The following KDM4F variants were observed in gnomAD, a reference collection of about 807,000 sequenced individuals.
KDM4F encodes probable lysine-specific demethylase 4F.
For synonymous variants in KDM4F, 223 were observed against 184.4 expected, an observed-to-expected ratio of 1.21 and a Z score of -1.70; for missense variants, 586 against 496.4, an observed-to-expected ratio of 1.18 and a Z score of -1.71.
At chr11:95,049,743 CAG>C in the KDM4F span, 1 of 1,605,070 alleles carries the variant, frequency 6.2e-7, no homozygotes, top group African/African-American at 1.3e-5. Flanking sequence ...TAAAAAATAT[CAG>C]ACTCCGCCAC....
At chr11:95,050,019 T>C in exon 1 of KDM4F, 1 of 1,613,972 alleles carries the variant, frequency 6.2e-7, no homozygotes, top group Non-Finnish European at 8.5e-7. Context: ...CAGCATCAAC[T>C]ACCTGCACTT....
exon 1 of KDM4F, chr11:95,049,544 C>T (rs879955983): frequency 5.2e-5 from 83 of 1,595,354 alleles, no homozygotes; most frequent in Non-Finnish European, 6.2e-5. Context: ...AAGGCGCACA[C>T]CGAGCTGGCC....
At position 95,050,844 on chromosome 11, in the gene KDM4F, C is replaced by G. The variant is rs1858504583; in HGVS notation, c.1423C>G (p.Pro475Ala). ...AGGGAGCAGAGCTCCAGGCCGCAAACCTCAGCTCCAGTTCGCCGATGAAGC... is the reference window on the plus strand; with the variant it reads ...AGGGAGCAGAGCTCCAGGCCGCAAAGCTCAGCTCCAGTTCGCCGATGAAGC... The change falls in exon 1 of 1, where the codon CCT (proline) becomes GCT (alanine). Residue 475 changes from proline to alanine, a missense_variant. Physicochemically the swap from Pro to Ala is conservative, Grantham distance 27. Transcript: ENST00000545950. The G allele has an allele frequency of 5.5e-6, 3 of 547,678 alleles. No individual in the cohort carries two copies. The South Asian group carries it at 8.0e-5, about 15-fold the overall frequency. The allele number at this position is 547,678 out of a possible 1,614,324, so 33.9% of individuals were successfully genotyped here. A position where few individuals can be genotyped will look rare whatever the true frequency, so the allele number is the denominator to read the frequency against.
chr11:95,050,028 T>C (rs1306130937), exon 1 of KDM4F: 6 of 1,613,652 alleles, frequency 3.7e-6, no homozygotes, highest in Non-Finnish European at 5.1e-6. Flanking sequence ...CTACCTGCAC[T>C]TTGGGGAGCC....
chr11:95,050,657 G>A (rs1288545574), exon 1 of KDM4F: 6 of 617,994 alleles, frequency 9.7e-6, no homozygotes, highest in Non-Finnish European at 1.4e-5. Flanking sequence ...CCCTGGAGAC[G>A]TCAGCCTGGG....
chr11:95,050,934 T>C, exon 1 of KDM4F: 1 of 486,198 alleles, frequency 2.1e-6, no homozygotes, highest in Non-Finnish European at 3.6e-6. Flanking sequence ...TTCTGGCTGC[T>C]GTTGTGCCCC....
At chr11:95,049,794 A>C in exon 1 of KDM4F, 1 of 1,596,692 alleles carries the variant, frequency 6.3e-7, no homozygotes, top group Admixed American at 1.7e-5. Context: ...ATACTGGAAG[A>C]GCCACCCCGG....
chr11:95,049,981 C>T (rs906712772), exon 1 of KDM4F: 1 of 1,614,250 alleles, frequency 6.2e-7, no homozygotes, highest in Non-Finnish European at 8.5e-7. Context: ...ACCACGTTTG[C>T]TTGGCACACG....
chr11:95,050,112 A>G (rs1590989992), exon 1 of KDM4F: 1 of 1,575,152 alleles, frequency 6.3e-7, no homozygotes, highest in East Asian at 2.2e-5. Context: ...CTTCCCAGGC[A>G]ATTCCCGGGG....
chr11:95,050,207 T>TCCC, exon 1 of KDM4F: 3 of 1,558,682 alleles, frequency 1.9e-6, no homozygotes, highest in Non-Finnish European at 2.7e-6. Flanking sequence ...ATCGCATGAC[T>TCCC]CAGGAGGCTG....
chr11:95,050,743 G>C (rs1253085875), exon 1 of KDM4F: 3 of 647,696 alleles, frequency 4.6e-6, no homozygotes, highest in African/African-American at 1.8e-5. Context: ...CGAGGCCGTG[G>C]TCGTCGTCCT....
exon 1 of KDM4F, chr11:95,051,142 T>C (rs1443553152): frequency 2.5e-5 from 10 of 400,184 alleles, no homozygotes; most frequent in Middle Eastern, 6.2e-4. Flanking sequence ...CTGGCCAAGG[T>C]TGTAGCAATG....
exon 1 of KDM4F, chr11:95,050,380 C>A: frequency 1.1e-6 from 1 of 947,518 alleles, no homozygotes; most frequent in South Asian, 1.3e-5. Context: ...TCCATGGATG[C>A]CTTCGTGCGC....
At chr11:95,050,619 G>T in exon 1 of KDM4F, 1 of 631,344 alleles carries the variant, frequency 1.6e-6, no homozygotes, top group Non-Finnish European at 2.8e-6. Flanking sequence ...CGGTGGTACC[G>T]ATGCTGTGCC....
At chr11:95,051,063 C>G in exon 1 of KDM4F, 1 of 413,322 alleles carries the variant, frequency 2.4e-6, no homozygotes, top group Admixed American at 4.2e-5. Flanking sequence ...TATGACTCCT[C>G]CCAGTGTCAC....
chr11:95,050,656 C>T (rs539012892), exon 1 of KDM4F: 21 of 618,504 alleles, frequency 3.4e-5, no homozygotes, highest in African/African-American at 2.0e-4. Context: ...GCCCTGGAGA[C>T]GTCAGCCTGG....
At chr11:95,050,705 T>C in exon 1 of KDM4F, 7 of 629,758 alleles carry the variant, frequency 1.1e-5, no homozygotes, top group Middle Eastern at 5.0e-4. Context: ...GTCCTTGTCG[T>C]GGCTGTGGTC....
Position 95,050,263 on chromosome 11 carries a change from A to G in KDM4F, c.842A>G (p.Asn281Ser). 2.6e-6 allele frequency: 4 copies of G among 1,533,220 alleles called. No homozygotes were observed. The South Asian group carries it at 4.5e-5, about 17-fold the overall frequency. The allele number at this position is 1,533,220 out of a possible 1,614,324, so 95.0% of individuals were successfully genotyped here. ...CCCTATGGCTACCATGCTGGCTTCA[A>G]TCACGGCTTCAACTGCGCAGAGGCC... The change falls in exon 1 of 1, where the codon AAT becomes AGT. Residue 281 changes from asparagine to serine, a missense_variant. Transcript: ENST00000545950.
At chr11:95,050,195 C>T in exon 1 of KDM4F, 1 of 1,551,086 alleles carries the variant, frequency 6.4e-7, no homozygotes. Flanking sequence ...GGATCCCCTT[C>T]AATCGCATGA....
Sources: gnomAD v4.1 joint callset for allele counts on GRCh38, gnomAD v4.1.1 for gene constraint, MANE v1.5 for transcripts, NCBI Gene and HGNC (gene_info 2026-07-23, HGNC 2026-07-21) for gene names.